Variants in ABL1 observed in about 807,000 individuals in gnomAD.
The protein encoded by ABL1 is ABL proto-oncogene 1, non-receptor tyrosine kinase.
A neutral mutation model predicts 94.7 loss-of-function variants in ABL1; 11 were observed. The ratio of observed to expected loss-of-function variants is 0.12; its 90% CI spans 0.07 to 0.19. The LOEUF is 0.19. Ranked by LOEUF, ABL1 falls within the 10% of genes least tolerant of loss-of-function variation. The pLI is 1.00. For synonymous variants in ABL1, 656 were observed against 622.4 expected, an observed-to-expected ratio of 1.05 and a Z score of -0.80; for missense variants, 1,082 against 1,489.4, an observed-to-expected ratio of 0.73 and a Z score of 4.50.
chr9:130,769,265 G>T (rs2132764231), intron 1 of ABL1, among the ~76,000 whole-genome samples: 2 of 145,844 alleles, frequency 1.4e-5, no homozygotes. Context: ...ATCAGTTGTT[G>T]TTTAACTTTT....
At chr9:130,778,564 CA>C (rs1210351802) in intron 1 of ABL1, among the ~76,000 whole-genome samples, 1 of 152,074 alleles carries the variant, frequency 6.6e-6, no homozygotes, top group African/African-American at 2.4e-5. Flanking sequence ...CTGCACTTGC[CA>C]TCTTCATGTT....
chr9:130,717,805 G>A (rs1831462947), intron 1 of ABL1, among the ~76,000 whole-genome samples: 1 of 151,974 alleles, frequency 6.6e-6, no homozygotes, highest in African/African-American at 2.4e-5. Context: ...CCTGAGGTCG[G>A]GAGTTCAGGA....
At chr9:130,825,744 CTT>C (rs1830416880) in intron 1 of ABL1, among the ~76,000 whole-genome samples, 1 of 152,226 alleles carries the variant, frequency 6.6e-6, no homozygotes, top group African/African-American at 2.4e-5. Flanking sequence ...GGCAAAATCT[CTT>C]TAAGTTTAAT....
intron 1 of ABL1, among the ~76,000 whole-genome samples, chr9:130,774,702 C>T (rs1832291598): frequency 6.6e-6 from 1 of 151,982 alleles, no homozygotes; most frequent in Non-Finnish European, 1.5e-5. Context: ...CAAAATTAGC[C>T]AGGCATGGTG....
At chr9:130,805,299 C>T (rs760356216) in intron 1 of ABL1, among the ~76,000 whole-genome samples, 7 of 152,132 alleles carry the variant, frequency 4.6e-5, no homozygotes, top group Admixed American at 3.9e-4. Context: ...AGGCTGGTCT[C>T]GAACTCCTGA....
intron 1 of ABL1, among the ~76,000 whole-genome samples, chr9:130,759,741 A>G (rs1402703256): frequency 1.3e-5 from 2 of 152,144 alleles, no homozygotes. Context: ...TGGAGCCGGT[A>G]TAGGAGGCTT....
In ABL1 at chr9:130,887,148, G is replaced by C. The variant is rs776029514; in HGVS notation, c.*1465G>C. The C allele has an allele frequency of 4.3e-6, 1 of 233,146 alleles. No individual in the cohort carries two copies. The highest frequency in any genetic ancestry group is 5.6e-5 in the Admixed American group (1 of 17,778). The allele number at this position is 233,146 out of a possible 1,614,324, so 14.4% of individuals were successfully genotyped here. A position where few individuals can be genotyped will look rare whatever the true frequency, so the allele number is the denominator to read the frequency against. ...GTGGCCGCCCCTGAGGCTTCACGCC[G>C]GGAGAAGCCACCTTCCCACCCCTTC... is the stretch of plus-strand genomic sequence containing the variant. On this transcript the variant is annotated 3_prime_UTR_variant, in exon 11 of 11. Coordinates refer to ENST00000318560, the MANE Select transcript of ABL1 (RefSeq NM_005157.6).
At chr9:130,837,683 G>A (rs1830609536) in intron 1 of ABL1, among the ~76,000 whole-genome samples, 2 of 152,136 alleles carry the variant, frequency 1.3e-5, no homozygotes, top group South Asian at 4.1e-4. Context: ...AAAGTAAATG[G>A]AATTATCATT....
intron 1 of ABL1, among the ~76,000 whole-genome samples, chr9:130,716,562 G>C (rs2855156): frequency 0.19 from 29,222 of 152,100 alleles, 3,461 homozygotes; most frequent in Middle Eastern, 0.39. Flanking sequence ...AAAGCACTTT[G>C]GTGGTTGGGT....
intron 1 of ABL1, among the ~76,000 whole-genome samples, chr9:130,797,790 A>G (rs1391483992): frequency 1.3e-5 from 2 of 152,170 alleles, no homozygotes. Context: ...CACGTTCCAT[A>G]TAGGAATAGT....
At chr9:130,782,721 G>A (rs966503646) in intron 1 of ABL1, among the ~76,000 whole-genome samples, 4 of 152,220 alleles carry the variant, frequency 2.6e-5, no homozygotes, top group South Asian at 4.1e-4. Context: ...TGCTGCTGCC[G>A]CTGTGGTGGT....
At chr9:130,836,718 G>A (rs1830591680) in intron 1 of ABL1, among the ~76,000 whole-genome samples, 1 of 151,680 alleles carries the variant, frequency 6.6e-6, no homozygotes, top group East Asian at 1.9e-4. Context: ...CCAGCTACTC[G>A]GGAGGCTGAG....
At position 130,872,248 on chromosome 9, in the gene ABL1, G is replaced by A. The variant is rs375162571; in HGVS notation, c.907+35G>A. On this transcript the variant is annotated intron_variant, in intron 5 of 10. Coordinates refer to ENST00000318560, the MANE Select transcript of ABL1 (RefSeq NM_005157.6). The surrounding 1 kb of genome is among the most constrained non-coding windows in gnomAD (Gnocchi z 5.0). ...CCCGGGGCTCTGAAGAGAGGGTCTCGCGCCGCACCCCCAGGGTGACACAGG... is the reference window on the plus strand; with the variant it reads ...CCCGGGGCTCTGAAGAGAGGGTCTCACGCCGCACCCCCAGGGTGACACAGG... 12 of 1,591,742 alleles carry A rather than the reference G, an allele frequency of 7.5e-6. No homozygotes were observed. The highest frequency in any genetic ancestry group is 2.7e-5 in the African/African-American group (2 of 74,546).
intron 3 of ABL1, among the ~76,000 whole-genome samples, 199 bp downstream of exon 3, chr9:130,855,295 G>C (rs918267128): frequency 6.6e-6 from 1 of 152,152 alleles, no homozygotes; most frequent in African/African-American, 2.4e-5. Flanking sequence ...TCCTGGGACT[G>C]GTATGATTCT....
Position 130,884,031 on chromosome 9 carries a change from G to A in ABL1, c.1741G>A (p.Glu581Lys). 1.2e-6 allele frequency: 2 copies of A among 1,613,894 alleles called. No individual in the cohort carries two copies. Among genetic ancestry groups the A allele is most frequent in the Non-Finnish European group, 1.7e-6 (2 of 1,180,038 alleles). Residue 581 changes from glutamate (E) to lysine (K), a missense_variant, in exon 11 of 11, where the codon GAG becomes AAG. Glu to Lys is a moderately conservative substitution (Grantham distance 56). Transcript: ENST00000318560. This position sits in a 1 kb window ranked among gnomAD's most constrained non-coding sequence, Gnocchi z 5.6. Reference protein sequence around the residue: ...LLPRKERGPPEGGLNEDERLL... With the variant: ...LLPRKERGPPKGGLNEDERLL... ...CCCTCGAAAAGAGCGAGGTCCCCCG[G>A]AGGGCGGCCTGAATGAAGATGAGCG...
intron 1 of ABL1, chr9:130,725,059 T>C (rs1234098803): frequency 9.8e-6 from 2 of 203,854 alleles, no homozygotes; most frequent in Non-Finnish European, 2.1e-5. Context: ...ATCTCCCTTC[T>C]GTGTTTATTT....
chr9:130,868,456 C>T (rs1398628529), intron 4 of ABL1, among the ~76,000 whole-genome samples: 25 of 151,102 alleles, frequency 1.7e-4, no homozygotes, highest in Admixed American at 1.1e-3. Context: ...CTGCTGAGAG[C>T]GAGACATTGA....
At chr9:130,845,305 T>C (rs534872367) in intron 1 of ABL1, among the ~76,000 whole-genome samples, 1 of 152,118 alleles carries the variant, frequency 6.6e-6, no homozygotes, top group African/African-American at 2.4e-5. Context: ...AAATTCTCCA[T>C]CCTAACTCCT....
At chr9:130,785,092 A>G (rs530931149) in intron 1 of ABL1, among the ~76,000 whole-genome samples, 1 of 152,278 alleles carries the variant, frequency 6.6e-6, no homozygotes, top group Admixed American at 6.5e-5. Context: ...TGACATGGGA[A>G]CTGGACTCTG....
Sources: gnomAD v4.1 joint callset for allele counts (sites outside exome capture counted in the v4.1 genomes callset) on GRCh38, gnomAD v4.1.1 for gene constraint, Gnocchi (gnomAD v3.1) non-coding constraint, MANE v1.5 for transcripts, NCBI Gene and HGNC (gene_info 2026-07-23, HGNC 2026-07-21) for gene names.